Variants in LRRC4C observed in about 807,000 individuals in gnomAD.
LRRC4C encodes the protein leucine rich repeat containing 4C, also known as leucine-rich repeat-containing protein 4C.
A neutral mutation model predicts 33.6 loss-of-function variants in LRRC4C; 5 were observed. The ratio of observed to expected loss-of-function variants is 0.15; its 90% CI spans 0.08 to 0.31. The LOEUF (loss-of-function observed/expected upper bound fraction) is 0.31, where lower values mean the gene tolerates loss of function less well. LRRC4C is among the 10% of genes least tolerant of loss of function. LRRC4C has a pLI of 1.00. For missense variants in LRRC4C, 560 were observed against 796.7 expected (o/e 0.70, Z 3.58); for synonymous variants, 329 against 302.0 (o/e 1.09, Z -0.93).
intron 1 of LRRC4C, among the ~76,000 whole-genome samples, chr11:40,974,549 T>C (rs1321651876): frequency 6.6e-6 from 1 of 152,220 alleles, no homozygotes; most frequent in African/African-American, 2.4e-5. Context: ...CTCATGCATT[T>C]ATCCTTCCAT....
chr11:41,005,228 G>A (rs1037088365), intron 1 of LRRC4C, among the ~76,000 whole-genome samples: 8 of 152,160 alleles, frequency 5.3e-5, no homozygotes, highest in South Asian at 2.1e-4. Context: ...CTGGTGGGAG[G>A]TGTTTGAAGC....
At chr11:41,326,418 CT>C (rs954808342) in intron 1 of LRRC4C, among the ~76,000 whole-genome samples, 22 of 152,174 alleles carry the variant, frequency 1.4e-4, no homozygotes, top group African/African-American at 5.3e-4. Flanking sequence ...TGCAGACAGC[CT>C]ATTGTGGGAC....
At chr11:40,249,791 A>G (rs1866634132) in intron 4 of LRRC4C, among the ~76,000 whole-genome samples, 2 of 152,138 alleles carry the variant, frequency 1.3e-5, no homozygotes, top group African/African-American at 4.8e-5. Flanking sequence ...ATTCATAAAA[A>G]AAGTGATGCT....
intron 1 of LRRC4C, among the ~76,000 whole-genome samples, chr11:41,128,704 A>C (rs1021395185): frequency 6.6e-6 from 1 of 152,054 alleles, no homozygotes; most frequent in African/African-American, 2.4e-5. Context: ...TTATTCTATA[A>C]TTGTCTCAAA....
At chr11:40,183,013 A>G (rs760209780) in intron 5 of LRRC4C, among the ~76,000 whole-genome samples, 1 of 152,216 alleles carries the variant, frequency 6.6e-6, no homozygotes, top group Non-Finnish European at 1.5e-5. Flanking sequence ...ATGTGAATCC[A>G]GCTGGTTTGG....
At chr11:40,423,052 G>C (rs1405842402) in intron 3 of LRRC4C, among the ~76,000 whole-genome samples, 1 of 152,146 alleles carries the variant, frequency 6.6e-6, no homozygotes, top group Non-Finnish European at 1.5e-5. Context: ...CTTGGCGGAA[G>C]TGATATATAA....
rs1023163648 is a variant in LRRC4C, at chr11:41,451,890, T to A, written c.-496+7541A>T. On this transcript the variant is annotated intron_variant, in intron 1 of 6. Transcript: ENST00000528697. ...AAGAAGGGAGAGTAGAGTTTTTTCC[T>A]TGTATGTATCTGTATTCAGACTGCT... is the stretch of plus-strand genomic sequence containing the variant. 2.0e-5 allele frequency among the ~76,000 whole-genome samples: 3 copies of A among 152,176 alleles called. No individual in the cohort carries two copies. In the East Asian group the frequency reaches 5.8e-4, roughly 29 times the overall value.
chr11:40,421,313 C>T (rs903644101), intron 3 of LRRC4C, among the ~76,000 whole-genome samples: 39 of 152,202 alleles, frequency 2.6e-4, no homozygotes, highest in African/African-American at 8.4e-4. Context: ...TTATAGGGAA[C>T]GTTTTGCCTT....
intron 1 of LRRC4C, among the ~76,000 whole-genome samples, chr11:40,945,814 C>T (rs1056701072): frequency 2.2e-4 from 34 of 152,128 alleles, no homozygotes; most frequent in African/African-American, 8.2e-4. Flanking sequence ...CCATCAGAGC[C>T]TCCAAGTAAA....
At chr11:40,234,763 C>A (rs1050353125) in intron 5 of LRRC4C, among the ~76,000 whole-genome samples, 1 of 152,134 alleles carries the variant, frequency 6.6e-6, no homozygotes, top group Admixed American at 6.5e-5. Flanking sequence ...AGAGAGAAAC[C>A]CTGTCTTAAA....
chr11:40,396,160 TTCACATTAAGAAAA>T (rs1245637359), intron 3 of LRRC4C, among the ~76,000 whole-genome samples: 11 of 152,250 alleles, frequency 7.2e-5, no homozygotes, highest in African/African-American at 2.4e-4. Flanking sequence ...AAGTCTATTC[TTCACATTAAGAAAA>T]TCACATTAAG....
chr11:40,797,156 G>GA (rs1303895894), intron 2 of LRRC4C, among the ~76,000 whole-genome samples: 6 of 152,016 alleles, frequency 3.9e-5, no homozygotes, highest in Non-Finnish European at 4.4e-5. Context: ...AAATTGGAGA[G>GA]AAAAAAATTT....
chr11:41,438,440 T>C (rs1273436397), intron 1 of LRRC4C, among the ~76,000 whole-genome samples: 2 of 152,152 alleles, frequency 1.3e-5, no homozygotes, highest in Non-Finnish European at 2.9e-5. Context: ...AACACTGAGA[T>C]GGTGACCTTG....
At chr11:40,436,513 G>C in intron 3 of LRRC4C, among the ~76,000 whole-genome samples, 1 of 152,222 alleles carries the variant, frequency 6.6e-6, no homozygotes, top group East Asian at 1.9e-4. Flanking sequence ...AGTTGGCAAG[G>C]GTTAGTTGAA....
chr11:41,064,345 C>G (rs1243156709), intron 1 of LRRC4C, among the ~76,000 whole-genome samples: 3 of 152,162 alleles, frequency 2.0e-5, no homozygotes, highest in Admixed American at 2.0e-4. Flanking sequence ...TGTATATCAT[C>G]AGTTCTGGTA....
At chr11:41,259,922 T>C (rs1184413493) in intron 1 of LRRC4C, among the ~76,000 whole-genome samples, 1 of 152,032 alleles carries the variant, frequency 6.6e-6, no homozygotes, top group Admixed American at 6.6e-5. Flanking sequence ...TTCCCTGCGT[T>C]CTGTTAATAT....
chr11:40,516,079 T>A (rs1026848526), intron 3 of LRRC4C, among the ~76,000 whole-genome samples: 3 of 152,080 alleles, frequency 2.0e-5, no homozygotes, highest in Admixed American at 2.0e-4. Context: ...AAATATTTTT[T>A]TTCTTTTTAA....
intron 2 of LRRC4C, among the ~76,000 whole-genome samples, chr11:40,739,887 A>G (rs1948078043): frequency 6.6e-6 from 1 of 151,884 alleles, no homozygotes; most frequent in Admixed American, 6.6e-5. Context: ...AAAGACTAAT[A>G]TGATATGTAT....
chr11:41,413,038 TTTTTC>T (rs1052630454), intron 1 of LRRC4C, among the ~76,000 whole-genome samples: 1 of 152,190 alleles, frequency 6.6e-6, no homozygotes, highest in African/African-American at 2.4e-5. Context: ...TTCTTACTTT[TTTTTC>T]TTTTCTTCTT....
Sources: gnomAD v4.1 joint callset for allele counts (sites outside exome capture counted in the v4.1 genomes callset) on GRCh38, gnomAD v4.1.1 for gene constraint, MANE v1.5 for transcripts, NCBI Gene and HGNC (gene_info 2026-07-23, HGNC 2026-07-21) for gene names.